NAALAD2: variants seen among roughly 807,000 people sequenced by gnomAD.
The protein encoded by NAALAD2 is N-acetylated-alpha-linked acidic dipeptidase 2.
In NAALAD2, 89 loss-of-function variants were observed where a neutral mutation model predicts 95.6. The observed-to-expected ratio is 0.93, with a 90% CI of 0.78 to 1.11. The LOEUF (loss-of-function observed/expected upper bound fraction) is 1.11, where lower values mean the gene tolerates loss of function less well. Among genes scored for constraint, NAALAD2 ranks in the 50% least tolerant of loss-of-function variants. The probability of loss-of-function intolerance (pLI) is 0.00; values close to 1 mark genes in which losing one functional copy is unlikely to be tolerated. For missense variants in NAALAD2, 894 were observed against 872.4 expected (o/e 1.02, Z -0.31); for synonymous variants, 264 against 294.4 (o/e 0.90, Z 1.06).
chr11:90,189,337 T>G (rs951139035), intron 18 of NAALAD2, among the ~76,000 whole-genome samples: 7 of 152,206 alleles, frequency 4.6e-5, no homozygotes, highest in Non-Finnish European at 1.0e-4. Context: ...GGTGGTAATT[T>G]GCACAGCAGC....
In NAALAD2 at chr11:90,168,963, C is replaced by T; in HGVS notation, c.1313C>T (p.Ala438Val). ...AAAATACTCCAGGAGAGAAGCATTG[C>T]TTATATCAACTCGGATTCATCTATA... is the stretch of plus-strand genomic sequence containing the variant. ...NVKILQERSI[A>V]YINSDSSIEG... Residue 438 changes from alanine to valine, a missense_variant, in exon 12 of 19, where the codon GCT (alanine) becomes GTT (valine). Ala to Val is a moderately conservative substitution (Grantham distance 64). Coordinates refer to ENST00000534061, the MANE Select transcript of NAALAD2 (RefSeq NM_005467.4). 6.2e-7 allele frequency: 1 copy of T among 1,606,026 alleles called. No homozygotes were observed.
chr11:90,134,844 A>G lies in NAALAD2; in HGVS notation c.82+4A>G. On this transcript the variant is annotated splice_donor_region_variant and intron_variant, in intron 1 of 18. Coordinates refer to ENST00000534061, the MANE Select transcript of NAALAD2 (RefSeq NM_005467.4). ...TTCCTGATGGGATTTATGGTGGGTA[A>G]GTGAACAAAACACTCTACCCCGACT... 6.2e-7 allele frequency: 1 copy of G among 1,613,974 alleles called. No individual in the cohort carries two copies. Among genetic ancestry groups the G allele is most frequent in the East Asian group, 2.2e-5 (1 of 44,862 alleles).
chr11:90,164,504 G>A (rs1278953168), intron 11 of NAALAD2, among the ~76,000 whole-genome samples: 1 of 151,992 alleles, frequency 6.6e-6, no homozygotes, highest in Non-Finnish European at 1.5e-5. Flanking sequence ...TTGACGCAGT[G>A]GTAAACTTTT....
chr11:90,192,721 T>G lies in NAALAD2; in HGVS notation c.*974T>G, dbSNP rs1043855834. 5 of 152,034 alleles carry G rather than the reference T, an allele frequency of 3.3e-5. No homozygotes were observed. Among genetic ancestry groups the G allele is most frequent in the South Asian group, 2.1e-4 (1 of 4,832 alleles). 9.4% of individuals were successfully genotyped at this position (152,034 alleles called of 1,614,324 possible). On this transcript the variant is annotated 3_prime_UTR_variant, in exon 19 of 19. Coordinates refer to ENST00000534061, the MANE Select transcript of NAALAD2 (RefSeq NM_005467.4). ...ATACATTTAATAATTTCAGCTCTAC[T>G]GAATAAACATATAAGTCTGATGGGT...
chr11:90,146,343 A>ATTT lies in NAALAD2; in HGVS notation c.195-956_195-954dup, dbSNP rs71477596. 5.1e-3 allele frequency among the ~76,000 whole-genome samples: 245 copies of ATTT among 47,972 alleles called. 13 individuals are homozygous for ATTT. The highest frequency in any genetic ancestry group is 6.0e-3 in the Non-Finnish European group (164 of 27,322). The allele number at this position is 47,972 out of a possible 152,430, so 31.5% of individuals were successfully genotyped here. A position where few individuals can be genotyped will look rare whatever the true frequency, so the allele number is the denominator to read the frequency against. On this transcript the variant is annotated intron_variant, in intron 2 of 18. Coordinates refer to ENST00000534061, the MANE Select transcript of NAALAD2 (RefSeq NM_005467.4). Reference sequence around the variant, plus strand: ...GTTCTACTGATGGTGGGGGAGTTTAATTTTTTTTTTTTTTTTTTTTTTTTT... The same window carrying ATTT: ...GTTCTACTGATGGTGGGGGAGTTTAATTTTTTTTTTTTTTTTTTTTTTTTTTTT...
chr11:90,143,007 C>A (rs1442516980), intron 2 of NAALAD2, among the ~76,000 whole-genome samples: 2 of 152,000 alleles, frequency 1.3e-5, no homozygotes, highest in Non-Finnish European at 2.9e-5. Flanking sequence ...CTCTCTCCCC[C>A]ACCATCCTTT....
Position 90,141,373 on chromosome 11 carries a change from CA to C in NAALAD2, c.194+5705del, listed in dbSNP as rs1951609499. ...CTATTACATGAACGTGGTATGTTTC[CA>C]ATTGTAGATCATCTTTCTTTTATCA... is the stretch of plus-strand genomic sequence containing the variant. On this transcript the variant is annotated intron_variant, in intron 2 of 18. Transcript: ENST00000534061. Among the ~76,000 whole-genome samples the C allele has an allele frequency of 2.0e-5, 3 of 152,046 alleles. No individual in the cohort carries two copies. The South Asian group carries it at 6.2e-4, about 32-fold the overall frequency.
intron 12 of NAALAD2, 116 bp from the exon 13 acceptor site, chr11:90,169,953 C>G: frequency 1.4e-6 from 1 of 721,278 alleles, no homozygotes; most frequent in Non-Finnish European, 2.4e-6. Context: ...GGAATAAAAT[C>G]TTTGATTTGA....
chr11:90,179,484 T>C (rs10830434), intron 16 of NAALAD2, among the ~76,000 whole-genome samples: 20,960 of 152,022 alleles, frequency 0.14, 2,109 homozygotes, highest in Admixed American at 0.31. Flanking sequence ...GGATTAGTAA[T>C]CTTTATATAA....
At chr11:90,185,479 T>A (rs1158863385) in intron 18 of NAALAD2, among the ~76,000 whole-genome samples, 1 of 152,084 alleles carries the variant, frequency 6.6e-6, no homozygotes, top group East Asian at 1.9e-4. Context: ...AAGACCAGCC[T>A]GGGTAACACA....
intron 11 of NAALAD2, among the ~76,000 whole-genome samples, chr11:90,167,660 A>AC (rs1952510836): frequency 6.6e-6 from 1 of 152,118 alleles, no homozygotes; most frequent in African/African-American, 2.4e-5. Flanking sequence ...TTGTAAATAC[A>AC]CCAATCAGCA....
In NAALAD2 at chr11:90,182,947, C is replaced by T. The variant is rs759895249; in HGVS notation, c.1972C>T (p.Leu658=). Residue 658 remains leucine, a synonymous_variant, in exon 18 of 19, where the codon CTG becomes TTG. Transcript: ENST00000534061. ...TGCAGTGAGAATGATGAATGACCAA[C>T]TGATGCTCCTGGAAAGAGCATTCAT... ...PIAVRMMNDQ[L]MLLERAFIDP... 1.2e-6 allele frequency: 2 copies of T among 1,612,128 alleles called. No homozygotes were observed. Among genetic ancestry groups the T allele is most frequent in the South Asian group, 1.1e-5 (1 of 90,906 alleles).
chr11:90,175,211 A>G (rs1324509979), intron 14 of NAALAD2, among the ~76,000 whole-genome samples: 1 of 152,198 alleles, frequency 6.6e-6, no homozygotes, highest in Non-Finnish European at 1.5e-5. Flanking sequence ...GAAAGTTTGA[A>G]TGTGGGTCCA....
chr11:90,147,497 T>C lies in NAALAD2; in HGVS notation c.362T>C (p.Val121Ala), dbSNP rs1590965912. ...ACAAATGCCAACTATATATCGATTG[T>C]GGATGAACATGAAACTGAGGTATGT... is the stretch of plus-strand genomic sequence containing the variant. Reference protein sequence around the residue: ...NETNANYISIVDEHETEIFKT... With the variant: ...NETNANYISIADEHETEIFKT... The change falls in exon 3 of 19, where the codon GTG (valine) becomes GCG (alanine). Residue 121 changes from valine (V) to alanine (A), a missense_variant. Transcript: ENST00000534061. 6.2e-7 allele frequency: 1 copy of C among 1,607,826 alleles called. No individual in the cohort carries two copies. Among genetic ancestry groups the C allele is most frequent in the South Asian group, 1.1e-5 (1 of 89,986 alleles).
chr11:90,155,256 A>C (rs545456574), intron 6 of NAALAD2, among the ~76,000 whole-genome samples: 29 of 125,428 alleles, frequency 2.3e-4, no homozygotes, highest in Middle Eastern at 0.011. Flanking sequence ...CATGTATAAT[A>C]TATGTATATA....
rs1364618504 is a variant in NAALAD2, at chr11:90,158,258, T to G, written c.890+20T>G. ...ATTACGGTATAGTTTTCTTGTTGGA[T>G]ATGAGATTAAGATATTTTGCACTAG... On this transcript the variant is annotated intron_variant, in intron 7 of 18. Coordinates refer to ENST00000534061, the MANE Select transcript of NAALAD2 (RefSeq NM_005467.4). 16 of 1,558,800 alleles carry G rather than the reference T, an allele frequency of 1.0e-5. No individual in the cohort carries two copies. The highest frequency in any genetic ancestry group is 1.1e-5 in the Non-Finnish European group (13 of 1,131,774).
At position 90,163,557 on chromosome 11, in the gene NAALAD2, C is replaced by T; in HGVS notation, c.1218C>T (p.Ile406=). The T allele has an allele frequency of 1.9e-6, 3 of 1,614,088 alleles. No homozygotes were observed. Among genetic ancestry groups the T allele is most frequent in the Non-Finnish European group, 2.5e-6 (3 of 1,179,976 alleles). Residue 406 remains isoleucine (I), a synonymous_variant, in exon 11 of 19, where the codon ATC becomes ATT. Coordinates refer to ENST00000534061, the MANE Select transcript of NAALAD2 (RefSeq NM_005467.4). ...CAGGCTGGAGACCTAGAAGAACTAT[C>T]ATTTTTGCCAGCTGGGATGCAGAAG... The part of the protein sequence containing the change: ...MSKGWRPRRT[I]IFASWDAEEF...
At chr11:90,184,875 A>C (rs1857087321) in intron 18 of NAALAD2, among the ~76,000 whole-genome samples, 1 of 152,066 alleles carries the variant, frequency 6.6e-6, no homozygotes, top group South Asian at 2.1e-4. Context: ...AAAAAAAATG[A>C]ATGGTTGTGT....
At chr11:90,183,043 G>T (rs1857013994) in intron 18 of NAALAD2, 35 bp downstream of exon 18, 1 of 1,505,288 alleles carries the variant, frequency 6.6e-7, no homozygotes, top group Admixed American at 1.7e-5. Context: ...ACATCACTGT[G>T]ACCAAAACCA....
Sources: gnomAD v4.1 joint callset for allele counts (sites outside exome capture counted in the v4.1 genomes callset) on GRCh38, gnomAD v4.1.1 for gene constraint, MANE v1.5 for transcripts, NCBI Gene and HGNC (gene_info 2026-07-23, HGNC 2026-07-21) for gene names.